Variants in CBX7 observed in about 807,000 individuals in gnomAD.
CBX7 encodes chromobox 7.
Under a neutral mutation model 31.4 loss-of-function variants are expected in CBX7, and 14 were observed. That is an observed-to-expected ratio of 0.45 (90% CI 0.29 to 0.70). CBX7 has a LOEUF of 0.70. Ranked by LOEUF, CBX7 falls within the 30% of genes least tolerant of loss-of-function variation. CBX7 has a pLI of 0.11. For synonymous variants in CBX7, 159 were observed against 152.6 expected (o/e 1.04, Z -0.31); for missense variants, 269 against 351.9 (o/e 0.76, Z 1.89).
intron 4 of CBX7, among the ~76,000 whole-genome samples, chr22:39,137,243 C>T (rs1180981922): frequency 5.3e-5 from 8 of 150,238 alleles, no homozygotes; most frequent in Non-Finnish European, 1.2e-4. Context: ...ATCCAAAAAT[C>T]TGAAATTTAG....
intron 2 of CBX7, among the ~76,000 whole-genome samples, chr22:39,145,718 A>C: frequency 7.3e-6 from 1 of 136,094 alleles, no homozygotes; most frequent in African/African-American, 2.7e-5. Flanking sequence ...CGGCAAACCG[A>C]GGGGGCGGGG....
At chr22:39,136,347 C>G (rs527620188) in intron 4 of CBX7, 1 of 152,290 alleles carries the variant, frequency 6.6e-6, no homozygotes, top group African/African-American at 2.4e-5. Flanking sequence ...CACACCTATG[C>G]GCCGTCCATT....
At chr22:39,137,871 T>G (rs1930307910) in intron 4 of CBX7, among the ~76,000 whole-genome samples, 1 of 152,136 alleles carries the variant, frequency 6.6e-6, no homozygotes, top group Admixed American at 6.5e-5. Flanking sequence ...TCCAAGGCTG[T>G]AGTTCTACAA....
intron 1 of CBX7, among the ~76,000 whole-genome samples, chr22:39,151,500 G>T (rs1052742885): frequency 6.6e-6 from 1 of 152,086 alleles, no homozygotes. Flanking sequence ...TGTTAAATGG[G>T]AGGAGGTGAC....
intron 2 of CBX7, among the ~76,000 whole-genome samples, chr22:39,145,271 A>ACGCCGCGCCGCACCG (rs924690855): frequency 2.6e-5 from 4 of 151,870 alleles, no homozygotes; most frequent in Non-Finnish European, 5.9e-5. Flanking sequence ...GGTAAGGAGG[A>ACGCCGCGCCGCACCG]CGCCGCGCCG....
chr22:39,135,869 C>T (rs1257794946), intron 4 of CBX7: 1 of 152,192 alleles, frequency 6.6e-6, no homozygotes, highest in Admixed American at 6.5e-5. Flanking sequence ...GCAGCTGGAT[C>T]ACCAGAGGTC....
intron 2 of CBX7, chr22:39,147,978 A>G (rs918584923): frequency 2.6e-5 from 4 of 152,254 alleles, no homozygotes; most frequent in African/African-American, 7.2e-5. Flanking sequence ...GCTCAATTAC[A>G]TCCACCCTCT....
At chr22:39,143,487 T>C (rs1049533983) in intron 2 of CBX7, among the ~76,000 whole-genome samples, 2 of 152,222 alleles carry the variant, frequency 1.3e-5, no homozygotes, top group African/African-American at 2.4e-5. Context: ...GTTAATTTAT[T>C]ACTGAAGAAA....
chr22:39,141,256 G>A, intron 3 of CBX7, 115 bp downstream of exon 3: 1 of 807,914 alleles, frequency 1.2e-6, no homozygotes, highest in South Asian at 1.5e-5. Flanking sequence ...GGGCTGGCCT[G>A]CCCCATCGGA....
chr22:39,134,341 A>G, intron 5 of CBX7, 60 bp downstream of exon 5: 1 of 1,375,186 alleles, frequency 7.3e-7, no homozygotes, highest in Non-Finnish European at 9.8e-7. Flanking sequence ...AACCAGCTGG[A>G]CCTTATGACC....
At chr22:39,141,139 C>G (rs1485996445) in intron 3 of CBX7, 2 of 502,814 alleles carry the variant, frequency 4.0e-6, no homozygotes, top group Non-Finnish European at 7.1e-6. Context: ...GACTGAGGCC[C>G]GGGTGGGTAA....
Position 39,152,218 on chromosome 22 carries a change from G to A in CBX7, c.69+158C>T, listed in dbSNP as rs889136447. On this transcript the variant is annotated intron_variant, in intron 1 of 5. Coordinates refer to ENST00000216133, the MANE Select transcript of CBX7 (RefSeq NM_175709.5). This position sits in a 1 kb window ranked among gnomAD's most constrained non-coding sequence, Gnocchi z 4.9. ...TTCTACTCGCCCTACACGGTGGCAG[G>A]GAAACTGAGGCACGGGCTGGGGAGA... 6.6e-6 allele frequency among the ~76,000 whole-genome samples: 1 copy of A among 152,074 alleles called. No individual in the cohort carries two copies. The highest frequency in any genetic ancestry group is 1.5e-5 in the Non-Finnish European group (1 of 67,994).
chr22:39,134,801 G>A (rs776152159), intron 4 of CBX7, 49 bp from the exon 5 acceptor site: 10 of 912,358 alleles, frequency 1.1e-5, no homozygotes, highest in Admixed American at 5.1e-5. Context: ...CCTCCCACCC[G>A]CCACACCTTT....
intron 4 of CBX7, chr22:39,136,282 G>C (rs1211113217): frequency 6.6e-6 from 1 of 152,166 alleles, no homozygotes; most frequent in Non-Finnish European, 1.5e-5. Flanking sequence ...ACAATGAAGA[G>C]ACTGTAGGAG....
In CBX7 at chr22:39,133,855, A is replaced by C; in HGVS notation, c.*36T>G. Reference sequence around the variant, plus strand: ...TCTCTGGAAGTCCCACCCCAAGCCCAAAAGAAAACAGTTTAAGAAGAGTAA... The same window carrying C: ...TCTCTGGAAGTCCCACCCCAAGCCCCAAAGAAAACAGTTTAAGAAGAGTAA... On this transcript the variant is annotated 3_prime_UTR_variant, in exon 6 of 6. Transcript: ENST00000216133. The C allele has an allele frequency of 1.3e-6, 2 of 1,538,482 alleles. No individual in the cohort carries two copies. The highest frequency in any genetic ancestry group is 1.2e-5 in the South Asian group (1 of 83,296).
At chr22:39,136,862 C>T (rs1930273019) in intron 4 of CBX7, 1 of 152,264 alleles carries the variant, frequency 6.6e-6, no homozygotes, top group Non-Finnish European at 1.5e-5. Context: ...GATGTTACTT[C>T]CCTTCCTAGG....
At chr22:39,134,216 C>A in intron 5 of CBX7, 168 bp from the exon 6 acceptor site, 1 of 858,914 alleles carries the variant, frequency 1.2e-6, no homozygotes, top group South Asian at 1.8e-5. Context: ...ATCCTCCCCA[C>A]CTAGACAAGA....
intron 3 of CBX7, among the ~76,000 whole-genome samples, chr22:39,140,091 C>A (rs905069092): frequency 5.9e-5 from 9 of 152,192 alleles, no homozygotes; most frequent in Admixed American, 4.6e-4. Context: ...TCTCTGCAGC[C>A]CCCAGTACAG....
intron 1 of CBX7, among the ~76,000 whole-genome samples, 193 bp from the exon 2 acceptor site, chr22:39,150,025 C>G (rs113053332): frequency 1.3e-5 from 2 of 152,158 alleles, no homozygotes; most frequent in African/African-American, 4.8e-5. Flanking sequence ...GCTGCATGCC[C>G]GCCCCATACT....
Sources: gnomAD v4.1 joint callset for allele counts (sites outside exome capture counted in the v4.1 genomes callset) on GRCh38, gnomAD v4.1.1 for gene constraint, Gnocchi (gnomAD v3.1) non-coding constraint, MANE v1.5 for transcripts, NCBI Gene and HGNC (gene_info 2026-07-23, HGNC 2026-07-21) for gene names.